PRKCH: variants seen among roughly 807,000 people sequenced by gnomAD.
The protein encoded by PRKCH is protein kinase C eta type.
In PRKCH, 28 loss-of-function variants were observed where a neutral mutation model predicts 82.5. The observed-to-expected ratio is 0.34, with a 90% CI of 0.25 to 0.47. The LOEUF (loss-of-function observed/expected upper bound fraction) is 0.47, where lower values mean the gene tolerates loss of function less well. PRKCH is among the 20% of genes least tolerant of loss of function. The pLI, the probability that PRKCH is intolerant of heterozygous loss-of-function variation, is 1.00. For missense variants in PRKCH, 705 were observed against 881.8 expected (o/e 0.80, Z 2.54); for synonymous variants, 322 against 327.4 (o/e 0.98, Z 0.18).
At chr14:61,271,411 T>C (rs2045153000) in intron 1 of PRKCH, among the ~76,000 whole-genome samples, 1 of 152,234 alleles carries the variant, frequency 6.6e-6, no homozygotes, top group Non-Finnish European at 1.5e-5. Context: ...TTCTCACGCC[T>C]TCAACTCCAG....
chr14:61,267,331 A>T (rs1367902099), intron 1 of PRKCH, among the ~76,000 whole-genome samples: 2 of 152,198 alleles, frequency 1.3e-5, no homozygotes, highest in African/African-American at 4.8e-5. Flanking sequence ...ATGCCTATCT[A>T]GCAAAGCTTC....
chr14:61,322,145 G>A lies in PRKCH; in HGVS notation c.44G>A (p.Arg15His). 6.2e-7 allele frequency: 1 copy of A among 1,604,900 alleles called. No individual in the cohort carries two copies. The highest frequency in any genetic ancestry group is 1.7e-4 in the Middle Eastern group (1 of 5,914). Residue 15 changes from arginine (R) to histidine (H), a missense_variant, in exon 1 of 14, where the codon CGC becomes CAC. Physicochemically the swap from Arg to His is conservative, Grantham distance 29. This residue lies in a region of PRKCH where 246 missense variants were observed against 308.0 expected (regional missense o/e 0.80). Transcript: ENST00000332981. ...TMKFNGYLRV[R>H]IGEAVGLQPT... ...AAGTTCAATGGCTATTTGAGGGTCC[G>A]CATCGGTGAGGCAGTGGGGCTGCAG...
At chr14:61,447,138 G>T (rs1884265030) in intron 4 of PRKCH, among the ~76,000 whole-genome samples, 1 of 152,126 alleles carries the variant, frequency 6.6e-6, no homozygotes, top group Non-Finnish European at 1.5e-5. Flanking sequence ...TTCAGAAAAA[G>T]GAAAATTATC....
intron 1 of PRKCH, among the ~76,000 whole-genome samples, chr14:61,247,562 C>T (rs2044896547): frequency 6.6e-6 from 1 of 151,464 alleles, no homozygotes; most frequent in Non-Finnish European, 1.5e-5. Flanking sequence ...ATGGTGAAAC[C>T]CTATCTCTCC....
upstream of PRKCH, among the ~76,000 whole-genome samples, chr14:61,316,748 A>G (rs2045564594): frequency 6.6e-6 from 1 of 152,180 alleles, no homozygotes; most frequent in African/African-American, 2.4e-5. Flanking sequence ...TAGGCTGGAG[A>G]CAATTAGAGT....
chr14:61,312,298 G>C (rs1301333413), intron 1 of PRKCH, among the ~76,000 whole-genome samples: 2 of 152,152 alleles, frequency 1.3e-5, no homozygotes, highest in Non-Finnish European at 2.9e-5. Context: ...CACCATGCCT[G>C]GCTCATTTTT....
chr14:61,201,873 A>C (rs2044484498), intron 1 of PRKCH, among the ~76,000 whole-genome samples: 1 of 152,214 alleles, frequency 6.6e-6, no homozygotes, highest in Non-Finnish European at 1.5e-5. Context: ...GGAAAAAAAA[A>C]CTATAAGCAA....
intron 9 of PRKCH, among the ~76,000 whole-genome samples, chr14:61,457,912 G>A (rs145472620): frequency 1.8e-4 from 27 of 152,342 alleles, no homozygotes; most frequent in Non-Finnish European, 3.1e-4. Context: ...CGTGAGGGTT[G>A]TGTGTCCCAG....
intron 1 of PRKCH, among the ~76,000 whole-genome samples, chr14:61,266,241 A>G (rs1338259020): frequency 1.3e-5 from 2 of 151,592 alleles, no homozygotes; most frequent in Non-Finnish European, 2.9e-5. Context: ...GGCATGGTGA[A>G]ACCCCGACTC....
intron 1 of PRKCH, among the ~76,000 whole-genome samples, chr14:61,251,333 A>C (rs2044944431): frequency 6.6e-6 from 1 of 152,084 alleles, no homozygotes. Context: ...GTACCCATTA[A>C]CCATCCCACT....
chr14:61,215,871 A>G (rs929679578), intron 1 of PRKCH, among the ~76,000 whole-genome samples: 4 of 152,292 alleles, frequency 2.6e-5, no homozygotes, highest in South Asian at 2.1e-4. Flanking sequence ...GCTGTATCCA[A>G]TTTTGTGTAA....
intron 8 of PRKCH, 47 bp downstream of exon 8, chr14:61,457,366 G>T: frequency 1.2e-6 from 2 of 1,607,628 alleles, no homozygotes; most frequent in East Asian, 2.2e-5. Flanking sequence ...TGTGCTCTGT[G>T]TATGGGGGGT....
chr14:61,381,734 A>G (rs1287632271), intron 1 of PRKCH, among the ~76,000 whole-genome samples: 1 of 152,236 alleles, frequency 6.6e-6, no homozygotes, highest in Non-Finnish European at 1.5e-5. Context: ...CTTGGCAGTG[A>G]GGAGGTGAGG....
chr14:61,513,755 A>C (rs2139978694), intron 10 of PRKCH, among the ~76,000 whole-genome samples: 1 of 152,094 alleles, frequency 6.6e-6, no homozygotes, highest in Middle Eastern at 3.4e-3. Context: ...AGTTTCGAAA[A>C]ACTCTGTGCC....
At chr14:61,314,986 G>A (rs989675391) in intron 1 of PRKCH, among the ~76,000 whole-genome samples, 7 of 152,042 alleles carry the variant, frequency 4.6e-5, no homozygotes, top group South Asian at 2.1e-4. Context: ...GTTGTGGGTC[G>A]TTCTTTACTC....
At chr14:61,508,782 A>G (rs1887258710) in intron 10 of PRKCH, among the ~76,000 whole-genome samples, 1 of 152,144 alleles carries the variant, frequency 6.6e-6, no homozygotes, top group South Asian at 2.1e-4. Flanking sequence ...TTTATCTTGT[A>G]TATGAGGCCA....
chr14:61,538,281 A>G (rs892359115), intron 12 of PRKCH, among the ~76,000 whole-genome samples: 8 of 152,210 alleles, frequency 5.3e-5, no homozygotes, highest in African/African-American at 1.9e-4. Flanking sequence ...TACCTGTCTG[A>G]GGAAAGGAAG....
intron 1 of PRKCH, among the ~76,000 whole-genome samples, chr14:61,311,592 GTATCTACA>G (rs897165954): frequency 1.3e-5 from 2 of 152,106 alleles, no homozygotes; most frequent in Admixed American, 1.3e-4. Context: ...ACATTTTCAG[GTATCTACA>G]GCAGTGCCCC....
In PRKCH at chr14:61,247,735, CAAAAAAAAA is replaced by C. The variant is rs202153655; in HGVS notation, c.-19+60082_-19+60090del. ...TGAGAGACAGAGTGAGACTCCATCT[CAAAAAAAAA>C]AAAAAAAAAAAAAAGAAAGAAAGAA... On this transcript the variant is annotated intron_variant, in intron 1 of 3. Coordinates refer to the PRKCH transcript ENST00000555185. Among the ~76,000 whole-genome samples the C allele has an allele frequency of 2.7e-4, 14 of 52,720 alleles. No homozygotes were observed. The East Asian group carries it at 5.2e-3, about 20-fold the overall frequency. The allele number at this position is 52,720 out of a possible 152,430, so 34.6% of individuals were successfully genotyped here.
Sources: gnomAD v4.1 joint callset for allele counts (sites outside exome capture counted in the v4.1 genomes callset) on GRCh38, gnomAD v4.1.1 for gene constraint, gnomAD v4.1.1 regional missense constraint, MANE v1.5 for transcripts, NCBI Gene and HGNC (gene_info 2026-07-23, HGNC 2026-07-21) for gene names.